OR1J2: variants seen among roughly 807,000 people sequenced by gnomAD.
OR1J2 encodes the protein olfactory receptor 1J2.
For synonymous variants in OR1J2, 142 were observed against 99.7 expected (o/e 1.42, Z -2.52); for missense variants, 304 against 246.1 (o/e 1.24, Z -1.57).
At chr9:122,526,576 T>A in the OR1J2 span, 1 of 1,613,976 alleles carries the variant, frequency 6.2e-7, no homozygotes, top group South Asian at 1.1e-5. Flanking sequence ...AGGTGGGAAC[T>A]GCAGGTGGAA....
the OR1J2 span, among the ~76,000 whole-genome samples, chr9:122,559,470 A>G: frequency 1.3e-5 from 2 of 152,200 alleles, no homozygotes; most frequent in South Asian, 4.2e-4. Context: ...TTAGTGCTAT[A>G]AATTTCCCTC....
At chr9:122,579,900 C>T in the OR1J2 span, among the ~76,000 whole-genome samples, 1 of 152,060 alleles carries the variant, frequency 6.6e-6, no homozygotes, top group Non-Finnish European at 1.5e-5. Context: ...TAGGAATAAA[C>T]TTAAGCGCAA....
the OR1J2 span, among the ~76,000 whole-genome samples, chr9:122,456,009 A>G: frequency 6.6e-6 from 1 of 152,222 alleles, no homozygotes; most frequent in East Asian, 1.9e-4. Flanking sequence ...CCATACATAT[A>G]TGAGTTTATT....
the OR1J2 span, among the ~76,000 whole-genome samples, chr9:122,467,311 C>T: frequency 8.7e-4 from 133 of 152,268 alleles, no homozygotes; most frequent in East Asian, 8.7e-3. Flanking sequence ...TCCAAGACAC[C>T]CACACCTTTT....
upstream of OR1J2, among the ~76,000 whole-genome samples, chr9:122,508,900 A>G (rs536957826): frequency 2.0e-5 from 3 of 152,224 alleles, no homozygotes; most frequent in Non-Finnish European, 4.4e-5. Context: ...CATTTCTTCG[A>G]GAGGTTCTAG....
chr9:122,505,648 G>C, the OR1J2 span, among the ~76,000 whole-genome samples: 4 of 152,054 alleles, frequency 2.6e-5, no homozygotes, highest in Non-Finnish European at 4.4e-5. Context: ...ATTATCTCAA[G>C]CTATAAATAC....
chr9:122,526,686 G>A, the OR1J2 span: 3 of 1,614,162 alleles, frequency 1.9e-6, no homozygotes, highest in East Asian at 2.2e-5. Context: ...GATGAGTACG[G>A]TGCCTCCCAA....
the OR1J2 span, among the ~76,000 whole-genome samples, chr9:122,542,336 C>T: frequency 6.6e-6 from 1 of 152,098 alleles, no homozygotes. Context: ...TTAGAGTGTA[C>T]ACCTAGAATA....
At chr9:122,503,499 A>T in the OR1J2 span, among the ~76,000 whole-genome samples, 1 of 152,202 alleles carries the variant, frequency 6.6e-6, no homozygotes, top group South Asian at 2.1e-4. Flanking sequence ...TTACTGATGG[A>T]TCCATTGTAC....
the OR1J2 span, among the ~76,000 whole-genome samples, chr9:122,523,941 TAA>T: frequency 6.6e-6 from 1 of 152,226 alleles, no homozygotes; most frequent in African/African-American, 2.4e-5. Flanking sequence ...CAAAGATTTA[TAA>T]GTCACCTGTA....
At chr9:122,514,432 C>A (rs1828673806), downstream of OR1J2, among the ~76,000 whole-genome samples, 1 of 152,152 alleles carries the variant, frequency 6.6e-6, no homozygotes, top group South Asian at 2.1e-4. Context: ...CCAGTTACAT[C>A]CATGTTGCTG....
At chr9:122,570,383 T>C in the OR1J2 span, among the ~76,000 whole-genome samples, 1 of 152,358 alleles carries the variant, frequency 6.6e-6, no homozygotes, top group Non-Finnish European at 1.5e-5. Flanking sequence ...TTACACATTG[T>C]GAATGGGCCT....
chr9:122,511,804 A>G (rs1828644023), downstream of OR1J2: 4 of 758,708 alleles, frequency 5.3e-6, no homozygotes, highest in South Asian at 4.2e-5. Flanking sequence ...TTGATTTTCC[A>G]TTTGAATATG....
At chr9:122,499,074 G>C in the OR1J2 span, among the ~76,000 whole-genome samples, 1 of 152,250 alleles carries the variant, frequency 6.6e-6, no homozygotes, top group African/African-American at 2.4e-5. Context: ...CTCAGGCAAT[G>C]ATCTGATTTG....
At chr9:122,558,311 C>CTTTTTTTTTTTTTTT in the OR1J2 span, among the ~76,000 whole-genome samples, 1 of 34,472 alleles carries the variant, frequency 2.9e-5, no homozygotes, top group Non-Finnish European at 4.8e-5. Context: ...TTGGATTTTG[C>CTTTTTTTTTTTTTTT]TTTTTTTTTT....
the OR1J2 span, among the ~76,000 whole-genome samples, chr9:122,561,628 C>T: frequency 2.0e-5 from 3 of 152,050 alleles, no homozygotes; most frequent in Non-Finnish European, 4.4e-5. Context: ...GGGTTCATTT[C>T]AGGCCTTATT....
chr9:122,481,908 A>G, the OR1J2 span, among the ~76,000 whole-genome samples: 4 of 152,190 alleles, frequency 2.6e-5, no homozygotes, highest in Non-Finnish European at 5.9e-5. Context: ...CAGTAAAACT[A>G]TTAGAAGAAA....
At chr9:122,546,064 A>G in the OR1J2 span, among the ~76,000 whole-genome samples, 3 of 152,064 alleles carry the variant, frequency 2.0e-5, no homozygotes, top group Non-Finnish European at 4.4e-5. Context: ...TTACATTCTC[A>G]GGTCTTCAGA....
downstream of OR1J2, among the ~76,000 whole-genome samples, chr9:122,514,579 C>CTTT (rs1828675340): frequency 6.6e-6 from 1 of 152,116 alleles, no homozygotes; most frequent in African/African-American, 2.4e-5. Flanking sequence ...AAAATGCCCT[C>CTTT]TTAGACGGAT....
Sources: allele counts gnomAD v4.1 joint callset (sites outside exome capture counted in the v4.1 genomes callset), GRCh38; gene constraint gnomAD v4.1.1; transcripts MANE v1.5; gene names NCBI Gene and HGNC (gene_info 2026-07-23, HGNC 2026-07-21).